Variants in PTPRZ1 observed in about 807,000 individuals in gnomAD.
The protein encoded by PTPRZ1 is receptor-type tyrosine-protein phosphatase zeta.
Under a neutral mutation model 214.1 loss-of-function variants are expected in PTPRZ1, and 82 were observed. That is an observed-to-expected ratio of 0.38 (90% CI 0.32 to 0.46). The LOEUF (loss-of-function observed/expected upper bound fraction) is 0.46. Among genes scored for constraint, PTPRZ1 ranks in the 20% least tolerant of loss-of-function variants. PTPRZ1 has a pLI of 1.00. For missense variants in PTPRZ1, 2,603 were observed against 2,748.7 expected (o/e 0.95, Z 1.19); for synonymous variants, 945 against 987.9 (o/e 0.96, Z 0.81).
rs1278393959 is a variant in PTPRZ1 at position 122,010,489 on chromosome 7, A to G, written c.1443A>G (p.Arg481=). Residue 481 remains arginine, a synonymous_variant, in exon 12 of 30, where the codon CGA becomes CGG. Coordinates refer to ENST00000393386, the MANE Select transcript of PTPRZ1 (RefSeq NM_002851.3). The part of the protein sequence containing the change: ...GTKYNEAKTN[R]SPTRGSEFSG... Reference sequence around the variant, plus strand: ...AATACAATGAAGCCAAGACTAACCGATCCCCAACAAGAGGAAGTGAATTCT... The same window carrying G: ...AATACAATGAAGCCAAGACTAACCGGTCCCCAACAAGAGGAAGTGAATTCT... 21 of 1,613,960 alleles carry G rather than the reference A, an allele frequency of 1.3e-5. No individual in the cohort carries two copies. Among genetic ancestry groups the G allele is most frequent in the East Asian group, 2.2e-5 (1 of 44,886 alleles).
intron 1 of PTPRZ1, among the ~76,000 whole-genome samples, chr7:121,924,636 CT>C (rs1296575456): frequency 6.6e-6 from 1 of 152,130 alleles, no homozygotes; most frequent in African/African-American, 2.4e-5. Context: ...TGATGTTTTG[CT>C]GTTATCCTTT....
chr7:122,017,510 G>A (rs912736034), intron 12 of PTPRZ1, among the ~76,000 whole-genome samples: 4 of 151,086 alleles, frequency 2.6e-5, no homozygotes, highest in Non-Finnish European at 4.4e-5. Context: ...GGAAGTGTGT[G>A]TGCCATTTAT....
At chr7:121,950,603 T>C (rs17143950) in intron 2 of PTPRZ1, among the ~76,000 whole-genome samples, 5,459 of 152,284 alleles carry the variant, frequency 0.036, 175 homozygotes, top group East Asian at 0.17. Flanking sequence ...TTAGTAAGTA[T>C]GTATGCAAAT....
intron 15 of PTPRZ1, 53 bp from the exon 16 acceptor site, chr7:122,034,042 G>A (rs1055314934): frequency 1.1e-5 from 16 of 1,498,290 alleles, no homozygotes; most frequent in African/African-American, 1.4e-5. Context: ...CTCATTTGTC[G>A]TGTGCTGTGG....
At chr7:121,932,920 G>A (rs953278332) in intron 2 of PTPRZ1, among the ~76,000 whole-genome samples, 2 of 152,044 alleles carry the variant, frequency 1.3e-5, no homozygotes, top group Non-Finnish European at 2.9e-5. Context: ...AAATGACAGG[G>A]TTGGTAAATA....
chr7:122,038,992 T>A, intron 19 of PTPRZ1, 103 bp downstream of exon 19: 2 of 1,229,928 alleles, frequency 1.6e-6, no homozygotes, highest in Non-Finnish European at 2.3e-6. Context: ...GTTTTGAGAG[T>A]TATTTGGGAT....
chr7:121,959,097 A>G (rs1796797527), intron 2 of PTPRZ1, among the ~76,000 whole-genome samples: 1 of 152,182 alleles, frequency 6.6e-6, no homozygotes, highest in African/African-American at 2.4e-5. Flanking sequence ...TGCTGGGATT[A>G]CAGGCATGAG....
chr7:121,880,563 T>C (rs1482676149), intron 1 of PTPRZ1, among the ~76,000 whole-genome samples: 4 of 152,200 alleles, frequency 2.6e-5, no homozygotes, highest in Non-Finnish European at 5.9e-5. Flanking sequence ...TGAGCTCTTT[T>C]CTCTGAACTG....
In PTPRZ1 at chr7:121,997,873, C is replaced by T. The variant is rs1201889811; in HGVS notation, c.1114-7C>T. 1 of 1,598,164 alleles carries T rather than the reference C, an allele frequency of 6.3e-7. No homozygotes were observed. Among genetic ancestry groups the T allele is most frequent in the South Asian group, 1.1e-5 (1 of 90,034 alleles). On this transcript the variant is annotated splice_region_variant and splice_polypyrimidine_tract_variant and intron_variant, in intron 9 of 29. Transcript: ENST00000393386. ...CATTTGTATAATTACTAACATCTTTCTTTTAGGGTGCTATTCTCAATAATT... is the reference window on the plus strand; with the variant it reads ...CATTTGTATAATTACTAACATCTTTTTTTTAGGGTGCTATTCTCAATAATT...
At chr7:121,903,941 A>C (rs1461135402) in intron 1 of PTPRZ1, among the ~76,000 whole-genome samples, 2 of 148,046 alleles carry the variant, frequency 1.4e-5, no homozygotes, top group Non-Finnish European at 3.0e-5. Context: ...AAATGTATGC[A>C]GGATTCTGTT....
Position 122,036,515 on chromosome 7 carries a change from A to G in PTPRZ1, c.5285-85A>G. On this transcript the variant is annotated intron_variant, in intron 17 of 29. Coordinates refer to ENST00000393386, the MANE Select transcript of PTPRZ1 (RefSeq NM_002851.3). ...TGCTTGTGTTGATTTTAATTGAATG[A>G]AATAAATTATTATGCAAATATGAAT... 2.2e-5 allele frequency: 21 copies of G among 934,036 alleles called. No homozygotes were observed. In the South Asian group the frequency reaches 3.1e-4, roughly 14 times the overall value. The allele number at this position is 934,036 out of a possible 1,614,324, so 57.9% of individuals were successfully genotyped here. A position where few individuals can be genotyped will look rare whatever the true frequency, so the allele number is the denominator to read the frequency against.
intron 2 of PTPRZ1, among the ~76,000 whole-genome samples, chr7:121,944,206 A>G (rs1236733876): frequency 6.6e-6 from 1 of 152,126 alleles, no homozygotes; most frequent in Admixed American, 6.5e-5. Context: ...GCTGTAAGTT[A>G]TCTTTACCTT....
At position 122,044,409 on chromosome 7, in the gene PTPRZ1, A is replaced by G; in HGVS notation, c.5938-13A>G. On this transcript the variant is annotated splice_polypyrimidine_tract_variant and intron_variant, in intron 22 of 29. Coordinates refer to ENST00000393386, the MANE Select transcript of PTPRZ1 (RefSeq NM_002851.3). The stretch of plus-strand genomic sequence containing the variant: ...ACTTGAACTAATGTTGCTTATTGTC[A>G]TTGTTTTGCCAGGAGCAATATGTCT... 1 of 1,613,358 alleles carries G rather than the reference A, an allele frequency of 6.2e-7. No homozygotes were observed. The highest frequency in any genetic ancestry group is 1.3e-5 in the African/African-American group (1 of 74,988).
chr7:122,013,230 C>T lies in PTPRZ1; in HGVS notation c.4184C>T (p.Pro1395Leu). 6.2e-7 allele frequency: 1 copy of T among 1,614,106 alleles called. No homozygotes were observed. The highest frequency in any genetic ancestry group is 8.5e-7 in the Non-Finnish European group (1 of 1,180,024). Reference sequence around the variant, plus strand: ...GTAACCTCAACAAAGTTGCTGTTTCCTTCTAAGGCAACTTCTGAGCTGAGT... The same window carrying T: ...GTAACCTCAACAAAGTTGCTGTTTCTTTCTAAGGCAACTTCTGAGCTGAGT... ...GSVTSTKLLF[P>L]SKATSELSHS... Residue 1395 changes from proline (P) to leucine (L), a missense_variant, in exon 12 of 30, where the codon CCT becomes CTT. Pro to Leu is a moderately conservative substitution (Grantham distance 98, BLOSUM62 -3). This residue lies in a region of PTPRZ1 where 1,913 missense variants were observed against 1,914.3 expected (regional missense o/e 1.00). Transcript: ENST00000393386.
intron 1 of PTPRZ1, among the ~76,000 whole-genome samples, chr7:121,927,710 G>A (rs945921290): frequency 3.3e-5 from 5 of 152,174 alleles, no homozygotes; most frequent in Non-Finnish European, 7.4e-5. Flanking sequence ...TTGAAAGCGT[G>A]ATAAACTCTG....
At chr7:122,005,966 G>T (rs912588864) in intron 11 of PTPRZ1, among the ~76,000 whole-genome samples, 1 of 151,724 alleles carries the variant, frequency 6.6e-6, no homozygotes, top group Non-Finnish European at 1.5e-5. Context: ...CTTCTCTATT[G>T]CCATTAACCC....
At chr7:121,903,149 T>C (rs1285222785) in intron 1 of PTPRZ1, among the ~76,000 whole-genome samples, 3 of 152,190 alleles carry the variant, frequency 2.0e-5, no homozygotes, top group Non-Finnish European at 4.4e-5. Context: ...CACTTAGTAC[T>C]AGAGCAATAC....
chr7:122,010,301 T>C, intron 11 of PTPRZ1, 33 bp from the exon 12 acceptor site: 1 of 1,561,222 alleles, frequency 6.4e-7, no homozygotes, highest in Non-Finnish European at 8.6e-7. Flanking sequence ...CTTATTTCCT[T>C]ATGACTCATT....
intron 23 of PTPRZ1, among the ~76,000 whole-genome samples, chr7:122,049,102 A>G (rs921915694): frequency 1.3e-5 from 2 of 152,138 alleles, no homozygotes; most frequent in African/African-American, 4.8e-5. Flanking sequence ...TGACCCTGTC[A>G]ATTAATACAG....
Sources: allele counts gnomAD v4.1 joint callset (sites outside exome capture counted in the v4.1 genomes callset), GRCh38; gene constraint gnomAD v4.1.1; regional missense constraint gnomAD v4.1.1; transcripts MANE v1.5; gene names NCBI Gene and HGNC (gene_info 2026-07-23, HGNC 2026-07-21).